Variants in DNAJC5B observed in about 807,000 individuals in gnomAD.
The protein encoded by DNAJC5B is DnaJ heat shock protein family (Hsp40) member C5 beta.
Under a neutral mutation model 24.7 loss-of-function variants are expected in DNAJC5B, and 23 were observed. The observed-to-expected ratio is 0.93, with a 90% CI of 0.67 to 1.32. The LOEUF (loss-of-function observed/expected upper bound fraction) is 1.32, where lower values mean the gene tolerates loss of function less well. DNAJC5B is among the 40% of genes most tolerant of loss of function. The probability of loss-of-function intolerance (pLI) is 0.00; values close to 1 mark genes in which losing one functional copy is unlikely to be tolerated. For synonymous variants in DNAJC5B, 101 were observed against 90.1 expected, an observed-to-expected ratio of 1.12 and a Z score of -0.68; for missense variants, 238 against 240.8, an observed-to-expected ratio of 0.99 and a Z score of 0.08.
At chr8:66,020,784 C>T (rs372505844), upstream of DNAJC5B, among the ~76,000 whole-genome samples, 3 of 152,084 alleles carry the variant, frequency 2.0e-5, no homozygotes, top group Admixed American at 6.6e-5. Flanking sequence ...ACTACAGGCA[C>T]GCACAACTAC....
chr8:66,052,764 C>G (rs1393338371), intron 3 of DNAJC5B, among the ~76,000 whole-genome samples: 1 of 152,126 alleles, frequency 6.6e-6, no homozygotes, highest in Admixed American at 6.6e-5. Flanking sequence ...TGATACTTGT[C>G]TTGACAATAT....
intron 5 of DNAJC5B, among the ~76,000 whole-genome samples, chr8:66,086,843 T>G (rs912463663): frequency 6.6e-6 from 1 of 152,230 alleles, no homozygotes; most frequent in Non-Finnish European, 1.5e-5. Context: ...CAGTTCTTTC[T>G]TCTATTATTC....
chr8:66,075,374 A>G (rs1408475582), intron 3 of DNAJC5B, among the ~76,000 whole-genome samples: 1 of 151,854 alleles, frequency 6.6e-6, no homozygotes, highest in Non-Finnish European at 1.5e-5. Flanking sequence ...CTTTGGAACC[A>G]TGGGGGGGGA....
intron 3 of DNAJC5B, among the ~76,000 whole-genome samples, chr8:66,069,979 T>C (rs1807310231): frequency 6.6e-6 from 1 of 152,210 alleles, no homozygotes; most frequent in African/African-American, 2.4e-5. Context: ...TCTCAATAGA[T>C]GCAGAAAAGG....
intron 1 of DNAJC5B, among the ~76,000 whole-genome samples, chr8:66,040,134 G>A (rs1265297866): frequency 3.3e-5 from 5 of 152,210 alleles, no homozygotes; most frequent in African/African-American, 9.6e-5. Flanking sequence ...GCTCACACCT[G>A]TAATCTCAGC....
chr8:66,064,248 T>C (rs1222940159), intron 3 of DNAJC5B, among the ~76,000 whole-genome samples: 2 of 152,224 alleles, frequency 1.3e-5, no homozygotes, highest in Admixed American at 6.5e-5. Flanking sequence ...ATAATGCTGT[T>C]TGTTTTTGCA....
intron 1 of DNAJC5B, among the ~76,000 whole-genome samples, chr8:66,024,338 G>C (rs1261522905): frequency 6.7e-6 from 1 of 149,850 alleles, no homozygotes; most frequent in Admixed American, 6.6e-5. Flanking sequence ...ACACTACAGT[G>C]TATAACTGCA....
Position 66,101,241 on chromosome 8 carries a change from T to A in DNAJC5B, c.*1210T>A, listed in dbSNP as rs1261473074. Among the ~76,000 whole-genome samples the A allele has an allele frequency of 6.6e-6, 1 of 152,232 alleles. No homozygotes were observed. The highest frequency in any genetic ancestry group is 1.5e-5 in the Non-Finnish European group (1 of 68,038). On this transcript the variant is annotated 3_prime_UTR_variant, in exon 6 of 6. Transcript: ENST00000276570. ...AGTTCTGAGGTCATTAAAATTCCAC[T>A]CTAACTCTTTAGTTACTGAAATTCT...
chr8:66,044,110 C>T (rs559831239), intron 2 of DNAJC5B, among the ~76,000 whole-genome samples: 27 of 152,218 alleles, frequency 1.8e-4, no homozygotes, highest in South Asian at 1.2e-3. Context: ...GGTGCGAGCC[C>T]GGCCAAGAGC....
intron 1 of DNAJC5B, among the ~76,000 whole-genome samples, chr8:66,023,832 A>G (rs531055282): frequency 4.2e-4 from 64 of 152,212 alleles, no homozygotes; most frequent in Non-Finnish European, 7.1e-4. Context: ...AGACTTGTCC[A>G]GGGTTTGACA....
upstream of DNAJC5B, among the ~76,000 whole-genome samples, chr8:66,018,319 C>T (rs1024269584): frequency 6.6e-6 from 1 of 152,122 alleles, no homozygotes; most frequent in Admixed American, 6.5e-5. Context: ...GAGTTCAAGA[C>T]CAGCCTGGCC....
chr8:66,029,145 T>C (rs1806308442), intron 1 of DNAJC5B, among the ~76,000 whole-genome samples: 1 of 152,224 alleles, frequency 6.6e-6, no homozygotes, highest in Non-Finnish European at 1.5e-5. Flanking sequence ...TGCTTTCCTC[T>C]CTCTGCTTCC....
chr8:66,083,135 C>T (rs1010824404), intron 5 of DNAJC5B, among the ~76,000 whole-genome samples: 5 of 151,478 alleles, frequency 3.3e-5, no homozygotes, highest in African/African-American at 1.2e-4. Flanking sequence ...CCTCAGCCTC[C>T]CGAGTAGATG....
At position 66,080,496 on chromosome 8, in the gene DNAJC5B, C is replaced by T. The variant is rs769072687; in HGVS notation, c.453C>T (p.Phe151=). Residue 151 remains phenylalanine, a synonymous_variant, in exon 5 of 6, where the codon TTC becomes TTT. Transcript: ENST00000276570. Reference sequence around the variant, plus strand: ...AGTCATCAGTGCCAGAAGAGGACTTCTATGTGTCCCCAGAGGATCTGGAGG... The same window carrying T: ...AGTCATCAGTGCCAGAAGAGGACTTTTATGTGTCCCCAGAGGATCTGGAGG... ...RPESSVPEED[F]YVSPEDLEEQ... 2.5e-6 allele frequency: 4 copies of T among 1,613,712 alleles called. No homozygotes were observed. The highest frequency in any genetic ancestry group is 1.7e-5 in the Admixed American group (1 of 59,974).
At chr8:66,089,513 T>C (rs879827720) in intron 5 of DNAJC5B, among the ~76,000 whole-genome samples, 1 of 152,248 alleles carries the variant, frequency 6.6e-6, no homozygotes, top group Non-Finnish European at 1.5e-5. Flanking sequence ...ATTTTTCACC[T>C]GCCTTAAGAT....
chr8:66,039,995 T>C (rs139833112), intron 1 of DNAJC5B, among the ~76,000 whole-genome samples: 3 of 152,238 alleles, frequency 2.0e-5, no homozygotes, highest in Admixed American at 2.0e-4. Context: ...CTTAGTATAA[T>C]TCTTGGCACA....
intron 1 of DNAJC5B, among the ~76,000 whole-genome samples, chr8:66,028,572 GCCTCACCATATTC>G (rs35600704): frequency 0.18 from 27,285 of 152,066 alleles, 5,217 homozygotes; most frequent in African/African-American, 0.48. Context: ...CAGCCAACGG[GCCTCACCATATTC>G]CCAGTTTCTC....
chr8:66,065,038 C>T (rs576012697), intron 3 of DNAJC5B, among the ~76,000 whole-genome samples: 2 of 152,348 alleles, frequency 1.3e-5, no homozygotes, highest in South Asian at 4.1e-4. Flanking sequence ...AGTTAATACA[C>T]ATTCTAGTAA....
chr8:66,068,332 A>T (rs539024036), intron 3 of DNAJC5B, among the ~76,000 whole-genome samples: 52 of 152,210 alleles, frequency 3.4e-4, no homozygotes, highest in African/African-American at 1.1e-3. Flanking sequence ...TTTTTTTTTA[A>T]AATCCTGAAA....
Sources: allele counts gnomAD v4.1 joint callset (sites outside exome capture counted in the v4.1 genomes callset), GRCh38; gene constraint gnomAD v4.1.1; transcripts MANE v1.5; gene names NCBI Gene and HGNC (gene_info 2026-07-23, HGNC 2026-07-21).